DNAH14: variants seen among roughly 807,000 people sequenced by gnomAD.
DNAH14 encodes axonemal beta dynein heavy chain 14.
DNAH14 carries 478 observed loss-of-function variants against 520.9 expected under a neutral mutation model. The ratio of observed to expected loss-of-function variants is 0.92; its 90% CI spans 0.85 to 0.99. DNAH14 has a LOEUF of 0.99. DNAH14 is among the 50% of genes least tolerant of loss of function. The pLI is 0.00. For synonymous variants in DNAH14, 1,581 were observed against 1,757.2 expected, an observed-to-expected ratio of 0.90 and a Z score of 2.51; for missense variants, 4,831 against 5,234.5, an observed-to-expected ratio of 0.92 and a Z score of 2.38.
rs569566621 is a variant in DNAH14, at chr1:225,085,704, C to T, written c.3488C>T (p.Ser1163Phe). The change falls in exon 21 of 86, where the codon TCT becomes TTT. Residue 1163 changes from serine to phenylalanine, a missense_variant. Coordinates refer to ENST00000682510, the MANE Select transcript of DNAH14 (RefSeq NM_001367479.1). ...TEIYSIFIIPSIDDISAQLEE... is the reference protein window; with the variant it reads ...TEIYSIFIIPFIDDISAQLEE... ...ATTTACTCTATCTTCATAATTCCAT[C>T]TATAGATGACATATCAGCTCAGTTA... 106 of 1,551,378 alleles carry T rather than the reference C, an allele frequency of 6.8e-5. 2 individuals are homozygous for T. The South Asian group carries it at 1.2e-3, about 17-fold the overall frequency.
chr1:225,092,657 A>C (rs182026960), intron 21 of DNAH14, among the ~76,000 whole-genome samples: 16 of 152,264 alleles, frequency 1.1e-4, no homozygotes, highest in Admixed American at 7.2e-4. Context: ...AGCGAGGAGA[A>C]GATAATAAAT....
At chr1:225,290,639 GTGTGTGTGTATATA>G (rs1210065081) in intron 55 of DNAH14, among the ~76,000 whole-genome samples, 1 of 88,722 alleles carries the variant, frequency 1.1e-5, no homozygotes, top group Admixed American at 1.3e-4. Flanking sequence ...ATATGTGTGT[GTGTGTGTGTATATA>G]TATATATATA....
At chr1:225,050,689 A>T (rs1218487507) in intron 16 of DNAH14, among the ~76,000 whole-genome samples, 1 of 152,202 alleles carries the variant, frequency 6.6e-6, no homozygotes, top group Admixed American at 6.5e-5. Context: ...CCAAATTTAC[A>T]AGAGAATCTA....
intron 49 of DNAH14, among the ~76,000 whole-genome samples, chr1:225,270,335 G>A (rs1179738748): frequency 7.5e-6 from 1 of 133,292 alleles, no homozygotes; most frequent in Non-Finnish European, 1.6e-5. Flanking sequence ...GGTGGGGGGA[G>A]GGGGGAGGGA....
chr1:225,335,219 A>G (rs910793911), intron 66 of DNAH14, among the ~76,000 whole-genome samples: 4 of 136,162 alleles, frequency 2.9e-5, no homozygotes, highest in East Asian at 2.4e-4. Context: ...ATGTGTGTAT[A>G]TATGCACATA....
intron 8 of DNAH14, among the ~76,000 whole-genome samples, chr1:224,974,508 A>G (rs2061685928): frequency 6.6e-6 from 1 of 152,188 alleles, no homozygotes; most frequent in African/African-American, 2.4e-5. Context: ...TTTTTATTAA[A>G]CTTTTTATTT....
chr1:225,088,850 A>C (rs777146230), intron 21 of DNAH14, among the ~76,000 whole-genome samples: 2 of 152,208 alleles, frequency 1.3e-5, no homozygotes, highest in Non-Finnish European at 2.9e-5. Flanking sequence ...GAAATGGACA[A>C]ATTCCTTAAA....
At chr1:225,272,817 T>C in intron 51 of DNAH14, 138 bp from the exon 52 acceptor site, 1 of 861,254 alleles carries the variant, frequency 1.2e-6, no homozygotes, top group East Asian at 3.0e-5. Flanking sequence ...AGATTATCAC[T>C]TGTAGAAATT....
At position 225,338,053 on chromosome 1, in the gene DNAH14, T is replaced by C; in HGVS notation, c.10312-8T>C. The C allele has an allele frequency of 6.6e-7, 1 of 1,511,234 alleles. No individual in the cohort carries two copies. Among genetic ancestry groups the C allele is most frequent in the African/African-American group, 1.4e-5 (1 of 70,562 alleles). The allele number at this position is 1,511,234 out of a possible 1,614,324, so 93.6% of individuals were successfully genotyped here. A position where few individuals can be genotyped will look rare whatever the true frequency, so the allele number is the denominator to read the frequency against. ...ATTTTTCTTATTTTTGTCTATTGGG[T>C]TTTTCAGAATCTCCTTGAGACATTA... On this transcript the variant is annotated splice_polypyrimidine_tract_variant and splice_region_variant and intron_variant, in intron 67 of 85. Transcript: ENST00000682510.
At chr1:224,943,269 A>T (rs2059551791) in intron 1 of DNAH14, among the ~76,000 whole-genome samples, 1 of 152,086 alleles carries the variant, frequency 6.6e-6, no homozygotes. Flanking sequence ...CATTTCTTCT[A>T]GTTTATTTGC....
Position 225,019,743 on chromosome 1 carries a change from C to T in DNAH14, c.1108-3872C>T, listed in dbSNP as rs2065507894. On this transcript the variant is annotated intron_variant, in intron 10 of 85. Transcript: ENST00000682510. ...CTGTTGGACCACAGCTCAAGCACAA[C>T]CAGCTTCTGAGTGACTTTTGGTTAA... 2.0e-5 allele frequency among the ~76,000 whole-genome samples: 3 copies of T among 152,094 alleles called. No individual in the cohort carries two copies. In the South Asian group the frequency reaches 6.2e-4, roughly 32 times the overall value.
intron 43 of DNAH14, among the ~76,000 whole-genome samples, chr1:225,251,410 G>C (rs1163830084): frequency 6.6e-6 from 1 of 152,108 alleles, no homozygotes; most frequent in East Asian, 1.9e-4. Flanking sequence ...CTGACCTCAA[G>C]TGATCTGCCC....
chr1:224,996,159 T>C (rs1416981695), intron 8 of DNAH14, among the ~76,000 whole-genome samples: 1 of 151,940 alleles, frequency 6.6e-6, no homozygotes, highest in East Asian at 1.9e-4. Flanking sequence ...GACACCTCTT[T>C]CAGCTTTTAT....
chr1:225,272,983 G>C lies in DNAH14; in HGVS notation c.7868G>C (p.Arg2623Thr). Residue 2623 changes from arginine to threonine, a missense_variant, in exon 52 of 86, where the codon AGG (arginine) becomes ACG (threonine). By Grantham distance (71) the Arg-to-Thr change is moderately conservative (BLOSUM62 -1). Transcript: ENST00000682510. ...KLLLGLLQAD[R>T]TVVNSKEMAA... ...CTCCTAGGATTGCTGCAAGCTGACA[G>C]GACTGTTGTTAACTCCAAAGAGATG... 4 of 1,546,660 alleles carry C rather than the reference G, an allele frequency of 2.6e-6. No individual in the cohort carries two copies. Among genetic ancestry groups the C allele is most frequent in the Non-Finnish European group, 3.5e-6 (4 of 1,145,786 alleles).
chr1:225,074,538 A>G lies in DNAH14; in HGVS notation c.2425-4669A>G, dbSNP rs141579434. Among the ~76,000 whole-genome samples the G allele has an allele frequency of 4.1e-3, 628 of 152,280 alleles. 1 individual carries two copies. Among genetic ancestry groups the G allele is most frequent in the Middle Eastern group, 0.017 (5 of 294 alleles). ...TGGCTAAGGGGCCCAAACAGCAAAG[A>G]TGGTGGCCCACCCTTCCCTTTGGGA... On this transcript the variant is annotated intron_variant, in intron 17 of 85. Coordinates refer to ENST00000682510, the MANE Select transcript of DNAH14 (RefSeq NM_001367479.1).
At chr1:225,000,978 G>A (rs1393108551) in intron 8 of DNAH14, among the ~76,000 whole-genome samples, 4 of 152,124 alleles carry the variant, frequency 2.6e-5, no homozygotes, top group Admixed American at 2.6e-4. Flanking sequence ...TTCACCAAGA[G>A]TAGAACTCTA....
chr1:225,059,852 G>A (rs1033920873), intron 17 of DNAH14, among the ~76,000 whole-genome samples: 7 of 152,228 alleles, frequency 4.6e-5, no homozygotes, highest in Non-Finnish European at 8.8e-5. Context: ...TTGAATATTG[G>A]CCCCCACTCT....
intron 36 of DNAH14, among the ~76,000 whole-genome samples, chr1:225,174,344 C>A (rs1038484340): frequency 1.3e-5 from 2 of 151,852 alleles, no homozygotes; most frequent in Non-Finnish European, 2.9e-5. Flanking sequence ...TATTTGTGTC[C>A]TGTTTACTTT....
intron 30 of DNAH14, among the ~76,000 whole-genome samples, chr1:225,146,797 C>T (rs892219276): frequency 2.0e-5 from 3 of 152,222 alleles, no homozygotes; most frequent in Admixed American, 6.5e-5. Flanking sequence ...AAATGGCTGT[C>T]CAGGGAGGGA....
Sources: allele counts gnomAD v4.1 joint callset (sites outside exome capture counted in the v4.1 genomes callset), GRCh38; gene constraint gnomAD v4.1.1; transcripts MANE v1.5; gene names NCBI Gene and HGNC (gene_info 2026-07-23, HGNC 2026-07-21).